The following IGSF21 variants were observed in gnomAD, a reference collection of about 807,000 sequenced individuals.
The protein encoded by IGSF21 is immunoglobulin superfamily member 21.
IGSF21 carries 28 observed loss-of-function variants against 46.8 expected under a neutral mutation model. The ratio of observed to expected loss-of-function variants is 0.60; its 90% CI spans 0.44 to 0.82. The LOEUF is 0.82. Ranked by LOEUF, IGSF21 falls within the 40% of genes least tolerant of loss-of-function variation. The probability of loss-of-function intolerance (pLI) is 0.00; values close to 1 mark genes in which losing one functional copy is unlikely to be tolerated. For missense variants in IGSF21, 624 were observed against 665.5 expected, an observed-to-expected ratio of 0.94 and a Z score of 0.69; for synonymous variants, 284 against 273.6, an observed-to-expected ratio of 1.04 and a Z score of -0.38.
intron 3 of IGSF21, among the ~76,000 whole-genome samples, chr1:18,324,303 A>G (rs551082601): frequency 2.9e-4 from 44 of 152,332 alleles, no homozygotes; most frequent in African/African-American, 1.0e-3. Flanking sequence ...TTTCTGGCTC[A>G]TTGAGATACC....
At chr1:18,362,023 C>A in intron 4 of IGSF21, 92 bp from the exon 5 acceptor site, 2 of 858,966 alleles carry the variant, frequency 2.3e-6, no homozygotes, top group South Asian at 1.6e-5. Flanking sequence ...CCCCGGCACC[C>A]AGCATGGACG....
At chr1:18,234,816 C>T (rs943583489) in intron 2 of IGSF21, among the ~76,000 whole-genome samples, 2 of 152,056 alleles carry the variant, frequency 1.3e-5, no homozygotes, top group Non-Finnish European at 2.9e-5. Context: ...GGGGGCACAG[C>T]CAAACCATAT....
intron 1 of IGSF21, among the ~76,000 whole-genome samples, chr1:18,142,880 A>T (rs1305264341): frequency 6.6e-6 from 1 of 152,170 alleles, no homozygotes; most frequent in Non-Finnish European, 1.5e-5. Context: ...TGGCCTGGGC[A>T]GCCCCCAGTG....
intron 2 of IGSF21, among the ~76,000 whole-genome samples, chr1:18,269,188 G>A (rs1372288024): frequency 6.6e-6 from 1 of 152,170 alleles, no homozygotes; most frequent in Non-Finnish European, 1.5e-5. Flanking sequence ...ACTCTGATGG[G>A]ATCCCATAGC....
intron 2 of IGSF21, among the ~76,000 whole-genome samples, chr1:18,228,807 C>T (rs963245224): frequency 1.3e-5 from 2 of 152,116 alleles, no homozygotes; most frequent in Admixed American, 6.5e-5. Flanking sequence ...TTTTTGGTGA[C>T]GACTGAGATT....
chr1:18,341,079 C>T (rs10536110), intron 4 of IGSF21, among the ~76,000 whole-genome samples: 21,462 of 45,922 alleles, frequency 0.47, 2,854 homozygotes, highest in Middle Eastern at 0.5. Flanking sequence ...TTCTTCTTCT[C>T]CTCCTCCTCC....
intron 1 of IGSF21, among the ~76,000 whole-genome samples, chr1:18,130,285 A>C (rs1242658018): frequency 6.6e-6 from 1 of 152,136 alleles, no homozygotes; most frequent in African/African-American, 2.4e-5. Flanking sequence ...CCCTTGCTTT[A>C]GTTCAACTCT....
At chr1:18,233,629 G>T (rs560708805) in intron 2 of IGSF21, among the ~76,000 whole-genome samples, 1 of 152,304 alleles carries the variant, frequency 6.6e-6, no homozygotes, top group African/African-American at 2.4e-5. Context: ...GATAGCTATT[G>T]TCATTTCATG....
rs144784943 is a variant in IGSF21 at position 18,335,984 on chromosome 1, G to A, written c.424+974G>A. Among the ~76,000 whole-genome samples, 2 of 152,256 alleles carry A rather than the reference G, an allele frequency of 1.3e-5. No individual in the cohort carries two copies. Among genetic ancestry groups the A allele is most frequent in the African/African-American group, 4.8e-5 (2 of 41,544 alleles). ...CTCCTCTGATAAAGGAACTAGCAGCGTTTGGGTGCCTGGCCCTGGGTTGGC... is the reference window on the plus strand; with the variant it reads ...CTCCTCTGATAAAGGAACTAGCAGCATTTGGGTGCCTGGCCCTGGGTTGGC... On this transcript the variant is annotated intron_variant, in intron 4 of 9. Transcript: ENST00000251296. The surrounding 1 kb of genome is among the most constrained non-coding windows in gnomAD (Gnocchi z 4.8).
intron 1 of IGSF21, among the ~76,000 whole-genome samples, chr1:18,167,950 C>T (rs1557568032): frequency 2.6e-5 from 4 of 152,300 alleles, no homozygotes; most frequent in East Asian, 3.9e-4. Context: ...GCTCCACGTG[C>T]GCCACAAACA....
At chr1:18,148,163 C>G in intron 1 of IGSF21, among the ~76,000 whole-genome samples, 1 of 115,188 alleles carries the variant, frequency 8.7e-6, no homozygotes. Flanking sequence ...TGGAGTCTTG[C>G]TCTGTCGCCC....
At chr1:18,289,818 T>A (rs1206381771) in intron 2 of IGSF21, among the ~76,000 whole-genome samples, 1 of 152,192 alleles carries the variant, frequency 6.6e-6, no homozygotes, top group Non-Finnish European at 1.5e-5. Flanking sequence ...CCCTGGTGGT[T>A]AGGGTGAGCA....
intron 2 of IGSF21, among the ~76,000 whole-genome samples, chr1:18,262,783 C>A (rs2084957899): frequency 6.6e-6 from 1 of 152,206 alleles, no homozygotes; most frequent in Non-Finnish European, 1.5e-5. Flanking sequence ...CATCTGCAGC[C>A]ATCCAGAGGC....
At position 18,137,674 on chromosome 1, in the gene IGSF21, T is replaced by C. The variant is rs1415857997; in HGVS notation, c.70+29476T>C. On this transcript the variant is annotated intron_variant, in intron 1 of 9. Coordinates refer to ENST00000251296, the MANE Select transcript of IGSF21 (RefSeq NM_032880.5). ...ACATAGAGAAAGTTCATAACTCTAATATATTTGCATGGATTTCTACCACAT... is the reference window on the plus strand; with the variant it reads ...ACATAGAGAAAGTTCATAACTCTAACATATTTGCATGGATTTCTACCACAT... Among the ~76,000 whole-genome samples the C allele has an allele frequency of 7.9e-5, 12 of 152,192 alleles. 1 individual carries two copies. The highest frequency in any genetic ancestry group is 7.9e-4 in the Admixed American group (12 of 15,282).
chr1:18,254,357 A>AAACCCT (rs146760306), intron 2 of IGSF21, among the ~76,000 whole-genome samples: 57 of 147,738 alleles, frequency 3.9e-4, no homozygotes, highest in African/African-American at 1.0e-3. Flanking sequence ...GAATGGCTCA[A>AAACCCT]AACCCTAACC....
intron 2 of IGSF21, among the ~76,000 whole-genome samples, chr1:18,276,453 C>T (rs2085103634): frequency 6.6e-6 from 1 of 152,310 alleles, no homozygotes; most frequent in East Asian, 1.9e-4. Context: ...CTTCCAGCCC[C>T]TAAGGCTTGG....
chr1:18,230,258 C>A (rs143490771), intron 2 of IGSF21, among the ~76,000 whole-genome samples: 303 of 152,248 alleles, frequency 2.0e-3, no homozygotes, highest in African/African-American at 6.8e-3. Context: ...TGGACAGAGA[C>A]TCTCCTTTTT....
intron 1 of IGSF21, among the ~76,000 whole-genome samples, chr1:18,196,686 A>G (rs2087012694): frequency 6.6e-6 from 1 of 152,158 alleles, no homozygotes; most frequent in Non-Finnish European, 1.5e-5. Flanking sequence ...CTCTTCTTAT[A>G]TCTGTTTGAT....
intron 1 of IGSF21, among the ~76,000 whole-genome samples, chr1:18,190,293 C>T (rs182034627): frequency 3.3e-5 from 5 of 152,190 alleles, no homozygotes; most frequent in Non-Finnish European, 5.9e-5. Context: ...TTGAGAGTAC[C>T]GCAATCTCCT....
Sources: gnomAD v4.1 joint callset for allele counts (sites outside exome capture counted in the v4.1 genomes callset) on GRCh38, gnomAD v4.1.1 for gene constraint, Gnocchi (gnomAD v3.1) non-coding constraint, MANE v1.5 for transcripts, NCBI Gene and HGNC (gene_info 2026-07-23, HGNC 2026-07-21) for gene names.